Variants in THRB observed in about 807,000 individuals in gnomAD.
The protein encoded by THRB is thyroid hormone receptor beta, also known as nuclear receptor subfamily 1 group A member 2.
In THRB, 12 loss-of-function variants were observed where a neutral mutation model predicts 47.8. The observed-to-expected ratio is 0.25, with a 90% CI of 0.16 to 0.41. THRB has a LOEUF of 0.41. Among genes scored for constraint, THRB ranks in the 10% least tolerant of loss-of-function variants. The pLI, the probability that THRB is intolerant of heterozygous loss-of-function variation, is 1.00. For synonymous variants in THRB, 218 were observed against 212.2 expected, an observed-to-expected ratio of 1.03 and a Z score of -0.24; for missense variants, 348 against 589.2, an observed-to-expected ratio of 0.59 and a Z score of 4.24.
In THRB at chr3:24,196,718, G is replaced by A. The variant is rs2043997178; in HGVS notation, c.23-6384C>T. On this transcript the variant is annotated intron_variant, in intron 4 of 10. Transcript: ENST00000646209. ...GGATGCCTGGAAAGCATTGGGCCATGGCCCAAGGAATGTATCTCTAAAATT... is the reference window on the plus strand; with the variant it reads ...GGATGCCTGGAAAGCATTGGGCCATAGCCCAAGGAATGTATCTCTAAAATT... Among the ~76,000 whole-genome samples the A allele has an allele frequency of 2.0e-5, 3 of 152,208 alleles. No homozygotes were observed. The South Asian group carries it at 6.2e-4, about 32-fold the overall frequency.
At chr3:24,274,034 A>G (rs6802972) in intron 3 of THRB, among the ~76,000 whole-genome samples, 50,066 of 151,942 alleles carry the variant, frequency 0.33, 8,242 homozygotes, top group East Asian at 0.38. Context: ...AAATAGAAAG[A>G]TTGTCAATCC....
At chr3:24,265,125 A>G (rs894038558) in intron 3 of THRB, among the ~76,000 whole-genome samples, 1 of 152,142 alleles carries the variant, frequency 6.6e-6, no homozygotes, top group Admixed American at 6.5e-5. Context: ...ATTACACTGG[A>G]AAAAATAGGA....
At chr3:24,208,352 A>C (rs982697858) in intron 4 of THRB, among the ~76,000 whole-genome samples, 1 of 152,230 alleles carries the variant, frequency 6.6e-6, no homozygotes, top group Non-Finnish European at 1.5e-5. Context: ...AAACTACTTT[A>C]AAGTTCATAT....
intron 5 of THRB, among the ~76,000 whole-genome samples, chr3:24,175,895 A>T (rs75020798): frequency 4.6e-4 from 69 of 150,400 alleles, no homozygotes; most frequent in African/African-American, 1.6e-3. Context: ...CATAATTACA[A>T]AGGGAAAAGG....
chr3:24,218,992 C>T (rs1267894250), intron 4 of THRB, among the ~76,000 whole-genome samples: 5 of 152,150 alleles, frequency 3.3e-5, no homozygotes, highest in Admixed American at 2.6e-4. Context: ...TAAGCTCGGG[C>T]GTGGTGGCTC....
chr3:24,387,287 C>G (rs930232083), intron 1 of THRB, among the ~76,000 whole-genome samples: 62 of 152,074 alleles, frequency 4.1e-4, no homozygotes, highest in African/African-American at 1.4e-3. Flanking sequence ...TCATTTAGGC[C>G]TGCAACCTGG....
At chr3:24,343,507 A>G (rs2062813530) in intron 1 of THRB, among the ~76,000 whole-genome samples, 1 of 152,326 alleles carries the variant, frequency 6.6e-6, no homozygotes, top group African/African-American at 2.4e-5. Context: ...GGCAACATCC[A>G]TCTGTTATTC....
At chr3:24,266,439 A>C (rs974974678) in intron 3 of THRB, among the ~76,000 whole-genome samples, 3 of 152,178 alleles carry the variant, frequency 2.0e-5, no homozygotes, top group African/African-American at 7.2e-5. Context: ...ACTTGGGAAG[A>C]AATGATCTGA....
intron 1 of THRB, among the ~76,000 whole-genome samples, chr3:24,350,514 G>A (rs1444133629): frequency 6.6e-6 from 1 of 152,132 alleles, no homozygotes; most frequent in African/African-American, 2.4e-5. Context: ...AAATGATAGA[G>A]TCTTCCAAAC....
intron 4 of THRB, among the ~76,000 whole-genome samples, chr3:24,198,924 A>G (rs1354762124): frequency 6.6e-6 from 1 of 152,100 alleles, no homozygotes; most frequent in Non-Finnish European, 1.5e-5. Flanking sequence ...TTGAGGATAG[A>G]GTGGATGAGA....
intron 1 of THRB, among the ~76,000 whole-genome samples, chr3:24,380,023 G>A (rs532207079): frequency 1.3e-4 from 20 of 150,716 alleles, no homozygotes; most frequent in Admixed American, 5.3e-4. Flanking sequence ...CTTGGCCCTG[G>A]TCAATGTTCT....
At chr3:24,211,242 C>T (rs1291082638) in intron 4 of THRB, among the ~76,000 whole-genome samples, 1 of 151,786 alleles carries the variant, frequency 6.6e-6, no homozygotes, top group African/African-American at 2.4e-5. Context: ...GCACTATTCC[C>T]TTTTAAAAGT....
intron 8 of THRB, among the ~76,000 whole-genome samples, chr3:24,136,001 T>C (rs2034624609): frequency 6.6e-6 from 1 of 151,924 alleles, no homozygotes; most frequent in Non-Finnish European, 1.5e-5. Context: ...GCTGATCTGA[T>C]ATATTTAAAT....
At chr3:24,457,270 G>A (rs2073261728) in intron 1 of THRB, among the ~76,000 whole-genome samples, 1 of 152,060 alleles carries the variant, frequency 6.6e-6, no homozygotes, top group South Asian at 2.1e-4. Flanking sequence ...ACCTTTTCCT[G>A]GCCAGGCTGG....
chr3:24,289,633 A>G (rs1270685173), intron 3 of THRB, among the ~76,000 whole-genome samples: 1 of 152,216 alleles, frequency 6.6e-6, no homozygotes, highest in South Asian at 2.1e-4. Flanking sequence ...GCTTTTTATT[A>G]TAGCAGCTAC....
intron 4 of THRB, among the ~76,000 whole-genome samples, chr3:24,196,951 C>T (rs532782514): frequency 1.3e-5 from 2 of 152,244 alleles, no homozygotes; most frequent in Non-Finnish European, 2.9e-5. Context: ...CATCCACCCT[C>T]CAAACTTCCA....
intron 3 of THRB, among the ~76,000 whole-genome samples, chr3:24,269,242 G>A (rs2052981799): frequency 6.6e-6 from 1 of 150,740 alleles, no homozygotes; most frequent in Admixed American, 6.6e-5. Flanking sequence ...GGAAATAAGG[G>A]CAGACATTCC....
intron 3 of THRB, among the ~76,000 whole-genome samples, chr3:24,296,746 G>C (rs139329055): frequency 1.3e-5 from 2 of 152,174 alleles, no homozygotes; most frequent in Non-Finnish European, 2.9e-5. Flanking sequence ...CACCAAGGAG[G>C]GGGAGGATGT....
At chr3:24,414,801 T>C (rs553929478) in intron 1 of THRB, among the ~76,000 whole-genome samples, 57 of 151,870 alleles carry the variant, frequency 3.8e-4, no homozygotes, top group Non-Finnish European at 3.2e-4. Context: ...GTATTATTAG[T>C]AACCTTAACA....
Sources: gnomAD v4.1 joint callset for allele counts (sites outside exome capture counted in the v4.1 genomes callset) on GRCh38, gnomAD v4.1.1 for gene constraint, MANE v1.5 for transcripts, NCBI Gene and HGNC (gene_info 2026-07-23, HGNC 2026-07-21) for gene names.